Variants in PLEKHG1 observed in about 807,000 individuals in gnomAD.
PLEKHG1 encodes the protein pleckstrin homology domain-containing family G member 1.
In PLEKHG1, 44 loss-of-function variants were observed where a neutral mutation model predicts 100.8. The observed-to-expected ratio is 0.44, with a 90% CI of 0.34 to 0.56. The LOEUF is 0.56. PLEKHG1 is among the 20% of genes least tolerant of loss of function. The pLI, the probability that PLEKHG1 is intolerant of heterozygous loss-of-function variation, is 0.01. For synonymous variants in PLEKHG1, 640 were observed against 662.5 expected, an observed-to-expected ratio of 0.97 and a Z score of 0.52; for missense variants, 1,545 against 1,720.9, an observed-to-expected ratio of 0.90 and a Z score of 1.81.
intron 3 of PLEKHG1, among the ~76,000 whole-genome samples, chr6:150,671,122 C>T (rs1779567777): frequency 6.6e-6 from 1 of 150,402 alleles, no homozygotes; most frequent in Non-Finnish European, 1.5e-5. Flanking sequence ...CACACACACA[C>T]CAGTTTATTT....
At chr6:150,786,858 C>T (rs956077390) in intron 4 of PLEKHG1, among the ~76,000 whole-genome samples, 2 of 151,746 alleles carry the variant, frequency 1.3e-5, no homozygotes, top group South Asian at 2.1e-4. Flanking sequence ...GGTGAAACCC[C>T]GTCTCTACTA....
At chr6:150,728,261 A>G (rs1782057402) in intron 1 of PLEKHG1, among the ~76,000 whole-genome samples, 1 of 152,184 alleles carries the variant, frequency 6.6e-6, no homozygotes, top group Non-Finnish European at 1.5e-5. Flanking sequence ...TATATGAACT[A>G]CTTATGTAAT....
chr6:150,738,968 G>A (rs1162865803), intron 2 of PLEKHG1, among the ~76,000 whole-genome samples: 1 of 152,196 alleles, frequency 6.6e-6, no homozygotes, highest in Non-Finnish European at 1.5e-5. Flanking sequence ...CAGAAAATAA[G>A]GGTTTGTTTA....
chr6:150,795,821 T>C (rs1583147219), intron 4 of PLEKHG1, 35 bp from the exon 6 acceptor site: 1 of 1,338,880 alleles, frequency 7.5e-7, no homozygotes, highest in Non-Finnish European at 1.1e-6. Context: ...GTTTGTGCTT[T>C]GTTGCCTATA....
intron 2 of PLEKHG1, among the ~76,000 whole-genome samples, chr6:150,748,426 A>G (rs1783286860): frequency 6.6e-6 from 1 of 152,172 alleles, no homozygotes; most frequent in Non-Finnish European, 1.5e-5. Flanking sequence ...GATATTTTAT[A>G]AAATTTTATA....
At position 150,766,524 on chromosome 6, in the gene PLEKHG1, A is replaced by G. The variant is rs143294756; in HGVS notation, c.412-2114A>G. ...GATGTACTTATGATCAGTGGGGGGG[A>G]ACAAGTTATGACCATACAACTTTGA... On this transcript the variant is annotated intron_variant, in intron 2 of 15. Coordinates refer to ENST00000358517, the Ensembl canonical transcript of PLEKHG1. Among the ~76,000 whole-genome samples, 39 of 152,312 alleles carry G rather than the reference A, an allele frequency of 2.6e-4. 1 individual carries two copies. In the East Asian group the frequency reaches 7.3e-3, roughly 29 times the overall value.
chr6:150,705,325 T>A (rs1780959552), intron 3 of PLEKHG1, among the ~76,000 whole-genome samples: 1 of 152,276 alleles, frequency 6.6e-6, no homozygotes, highest in Non-Finnish European at 1.5e-5. Flanking sequence ...TATCTCATCT[T>A]CAGGGAAACT....
In PLEKHG1 at chr6:150,631,840, G is replaced by C. The variant is rs1777766075; in HGVS notation, c.-203-6240G>C. On this transcript the variant is annotated intron_variant, in intron 1 of 3. Coordinates refer to the PLEKHG1 transcript ENST00000367326. Reference sequence around the variant, plus strand: ...TGGGCTAGTGGAGGGCTGCGAGCAAGTAAGGAGAAGCCCCAGGGAACTGGG... The same window carrying C: ...TGGGCTAGTGGAGGGCTGCGAGCAACTAAGGAGAAGCCCCAGGGAACTGGG... Among the ~76,000 whole-genome samples, 3 of 152,144 alleles carry C rather than the reference G, an allele frequency of 2.0e-5. No homozygotes were observed. The South Asian group carries it at 6.2e-4, about 31-fold the overall frequency.
intron 3 of PLEKHG1, among the ~76,000 whole-genome samples, chr6:150,658,383 T>TA (rs1001400801): frequency 6.6e-5 from 10 of 151,396 alleles, no homozygotes; most frequent in Admixed American, 2.6e-4. Flanking sequence ...TTCTTTGTCT[T>TA]AAAAAAAAAT....
chr6:150,670,418 T>A (rs944680010), intron 3 of PLEKHG1, among the ~76,000 whole-genome samples: 2 of 152,150 alleles, frequency 1.3e-5, no homozygotes, highest in African/African-American at 2.4e-5. Context: ...GGCACAGAGA[T>A]GGAAGGCTAA....
chr6:150,813,306 A>G (rs113275530), intron 10 of PLEKHG1, among the ~76,000 whole-genome samples: 9,504 of 149,458 alleles, frequency 0.064, 566 homozygotes, highest in African/African-American at 0.15. Flanking sequence ...CTCTGTCTCA[A>G]AAAAAAAAAA....
At position 150,636,284 on chromosome 6, in the gene PLEKHG1, A is replaced by G. The variant is rs148475589; in HGVS notation, c.-203-1796A>G. 8.2e-3 allele frequency among the ~76,000 whole-genome samples: 1,131 copies of G among 138,708 alleles called. 18 individuals carry two copies. Among genetic ancestry groups the G allele is most frequent in the African/African-American group, 0.03 (1,089 of 36,788 alleles). The allele number at this position is 138,708 out of a possible 152,430, so 91.0% of individuals were successfully genotyped here. On this transcript the variant is annotated intron_variant, in intron 1 of 3. Coordinates refer to the PLEKHG1 transcript ENST00000367326. ...GCCAGATCATTGTATGTAACTCATG[A>G]CTTTTTTTAAAAAAAAAAGCTAGTG...
chr6:150,643,707 T>C (rs930388790), intron 2 of PLEKHG1, among the ~76,000 whole-genome samples: 5 of 152,216 alleles, frequency 3.3e-5, no homozygotes, highest in Non-Finnish European at 7.3e-5. Context: ...TTATTCACTT[T>C]GCAATTCCTC....
At chr6:150,755,138 G>A (rs2128631392) in intron 2 of PLEKHG1, among the ~76,000 whole-genome samples, 1 of 152,100 alleles carries the variant, frequency 6.6e-6, no homozygotes, top group Admixed American at 6.6e-5. Flanking sequence ...ACCACGCCTG[G>A]CTAGTTTTTT....
chr6:150,702,592 A>T (rs371928282), intron 3 of PLEKHG1, among the ~76,000 whole-genome samples: 1 of 38,312 alleles, frequency 2.6e-5, no homozygotes, highest in African/African-American at 1.1e-4. Context: ...GTGTGTGTGT[A>T]CTTATATATA....
At chr6:150,637,852 C>G (rs1778076311) in intron 1 of PLEKHG1, among the ~76,000 whole-genome samples, 1 of 152,164 alleles carries the variant, frequency 6.6e-6, no homozygotes, top group South Asian at 2.1e-4. Context: ...TGTATCTTCA[C>G]CTAGAAATCG....
intron 3 of PLEKHG1, among the ~76,000 whole-genome samples, chr6:150,654,997 T>G (rs1778908592): frequency 6.6e-6 from 1 of 152,254 alleles, no homozygotes; most frequent in South Asian, 2.1e-4. Context: ...GGTGGTGTTA[T>G]GAAAATGATT....
At chr6:150,652,493 G>A (rs556385396) in intron 3 of PLEKHG1, among the ~76,000 whole-genome samples, 3 of 151,850 alleles carry the variant, frequency 2.0e-5, no homozygotes, top group Non-Finnish European at 4.4e-5. Context: ...GAGGCCGAGG[G>A]GGGTGGATCA....
chr6:150,782,435 T>C (rs898260651), intron 3 of PLEKHG1, among the ~76,000 whole-genome samples: 2 of 152,120 alleles, frequency 1.3e-5, no homozygotes, highest in African/African-American at 4.8e-5. Context: ...TATAGTACAT[T>C]GATATGGTTT....
Sources: gnomAD v4.1 joint callset for allele counts (sites outside exome capture counted in the v4.1 genomes callset) on GRCh38, gnomAD v4.1.1 for gene constraint, MANE v1.5 for transcripts, NCBI Gene and HGNC (gene_info 2026-07-23, HGNC 2026-07-21) for gene names.